Variants in ARFGEF1 observed in about 807,000 individuals in gnomAD.
The protein encoded by ARFGEF1 is brefeldin A-inhibited guanine nucleotide-exchange protein 1.
In ARFGEF1, 42 loss-of-function variants were observed where a neutral mutation model predicts 231.0. That is an observed-to-expected ratio of 0.18 (90% CI 0.14 to 0.24). The LOEUF is 0.24. Ranked by LOEUF, ARFGEF1 falls within the 10% of genes least tolerant of loss-of-function variation. The probability of loss-of-function intolerance (pLI) is 1.00; values close to 1 mark genes in which losing one functional copy is unlikely to be tolerated. For synonymous variants in ARFGEF1, 710 were observed against 732.3 expected (o/e 0.97, Z 0.49); for missense variants, 1,345 against 2,192.0 (o/e 0.61, Z 7.72).
Position 67,277,502 on chromosome 8 carries a change from C to A in ARFGEF1, c.1028-45G>T, listed in dbSNP as rs201389159. On this transcript the variant is annotated intron_variant, in intron 7 of 38. Transcript: ENST00000262215. ...AACCATGCAAATATATCTGACTTAACCGAAGTGTATTTAAAAAGCACAGAG... is the reference window on the plus strand; with the variant it reads ...AACCATGCAAATATATCTGACTTAAACGAAGTGTATTTAAAAAGCACAGAG... 39 of 1,551,050 alleles carry A rather than the reference C, an allele frequency of 2.5e-5. No homozygotes were observed. The African/African-American group carries it at 4.8e-4, about 19-fold the overall frequency.
chr8:67,258,039 G>T, intron 16 of ARFGEF1, 46 bp downstream of exon 16: 1 of 1,517,514 alleles, frequency 6.6e-7, no homozygotes, highest in African/African-American at 1.4e-5. Flanking sequence ...CTAGCACAGT[G>T]GTTTGGATAT....
At chr8:67,242,888 C>T (rs1011870950) in intron 19 of ARFGEF1, among the ~76,000 whole-genome samples, 11 of 152,134 alleles carry the variant, frequency 7.2e-5, no homozygotes, top group African/African-American at 1.7e-4. Context: ...CAGTACTCTC[C>T]GTGGGCCTGT....
chr8:67,261,187 G>A (rs1804606740), intron 14 of ARFGEF1, among the ~76,000 whole-genome samples: 1 of 152,196 alleles, frequency 6.6e-6, no homozygotes, highest in African/African-American at 2.4e-5. Flanking sequence ...TATGAAGGTG[G>A]TTATACTAAA....
intron 14 of ARFGEF1, among the ~76,000 whole-genome samples, chr8:67,260,255 T>A (rs1351108360): frequency 6.6e-6 from 1 of 152,224 alleles, no homozygotes; most frequent in Non-Finnish European, 1.5e-5. Context: ...TGCCATGTAG[T>A]AGACGAACTT....
intron 19 of ARFGEF1, among the ~76,000 whole-genome samples, chr8:67,247,562 C>A (rs1039237665): frequency 6.7e-6 from 1 of 150,136 alleles, no homozygotes; most frequent in Non-Finnish European, 1.5e-5. Context: ...AAGGAATATT[C>A]CTCAACACAA....
At chr8:67,181,171 G>A (rs1832928400) in intron 5 of ARFGEF1, among the ~76,000 whole-genome samples, 1 of 151,706 alleles carries the variant, frequency 6.6e-6, no homozygotes, top group African/African-American at 2.4e-5. Context: ...CCCAGTAGCT[G>A]GGACTACAGC....
At chr8:67,238,955 A>C (rs1587111494) in intron 20 of ARFGEF1, 62 bp from the exon 21 acceptor site, 12 of 1,243,320 alleles carry the variant, frequency 9.7e-6, no homozygotes, top group Non-Finnish European at 1.2e-5. Context: ...TTAATTCCCC[A>C]CCAACAAACT....
chr8:67,211,419 C>T (rs1445789961), intron 34 of ARFGEF1, 64 bp downstream of exon 34: 3 of 1,237,150 alleles, frequency 2.4e-6, no homozygotes, highest in Non-Finnish European at 3.2e-6. Flanking sequence ...AAAAGTAAAA[C>T]CAAAAATGTT....
At chr8:67,195,333 C>A, downstream of ARFGEF1, 1 of 1,223,960 alleles carries the variant, frequency 8.2e-7, no homozygotes, top group Non-Finnish European at 1.2e-6. Flanking sequence ...CTTATGTCTC[C>A]TGCCTGCCAC....
Position 67,313,836 on chromosome 8 carries a change from C to A in ARFGEF1, c.125-11370G>T, listed in dbSNP as rs529803978. On this transcript the variant is annotated intron_variant, in intron 1 of 38. Coordinates refer to ENST00000262215, the MANE Select transcript of ARFGEF1 (RefSeq NM_006421.5). ...GCCCTAGAACTCCCAAGATTATACA[C>A]CTCACCCTTTGTTTTACACTATCAG... 3.3e-5 allele frequency among the ~76,000 whole-genome samples: 5 copies of A among 152,228 alleles called. No homozygotes were observed. The East Asian group carries it at 9.7e-4, about 29-fold the overall frequency.
chr8:67,203,284 A>G, intron 35 of ARFGEF1, 33 bp from the exon 36 acceptor site: 1 of 1,600,840 alleles, frequency 6.2e-7, no homozygotes. Flanking sequence ...GCATATACAC[A>G]CAGTCACAAT....
At chr8:67,284,317 C>CAACCCCCT (rs1388764066) in intron 7 of ARFGEF1, among the ~76,000 whole-genome samples, 2 of 152,112 alleles carry the variant, frequency 1.3e-5, no homozygotes, top group Non-Finnish European at 2.9e-5. Flanking sequence ...CATGTACGCA[C>CAACCCCCT]AACCCCCTAA....
intron 6 of ARFGEF1, among the ~76,000 whole-genome samples, chr8:67,289,136 A>C (rs1805888972): frequency 6.6e-6 from 1 of 152,136 alleles, no homozygotes; most frequent in African/African-American, 2.4e-5. Context: ...CTCAACTATC[A>C]CTTTAGAATG....
At chr8:67,323,291 A>C (rs1807681366) in intron 1 of ARFGEF1, among the ~76,000 whole-genome samples, 1 of 152,046 alleles carries the variant, frequency 6.6e-6, no homozygotes, top group African/African-American at 2.4e-5. Flanking sequence ...TGAGAGAGTA[A>C]ATTTACCAGG....
chr8:67,296,317 TA>T, intron 5 of ARFGEF1, 113 bp downstream of exon 5: 2 of 982,440 alleles, frequency 2.0e-6, no homozygotes, highest in East Asian at 4.9e-5. Context: ...GAAATGTAAA[TA>T]AAAGACATTC....
chr8:67,220,747 T>G (rs1158526561), intron 29 of ARFGEF1, among the ~76,000 whole-genome samples: 1 of 152,182 alleles, frequency 6.6e-6, no homozygotes, highest in Non-Finnish European at 1.5e-5. Context: ...TCCGTATCTA[T>G]TCCCTTCCAC....
intron 38 of ARFGEF1, chr8:67,200,182 A>G: frequency 1.7e-6 from 1 of 601,132 alleles, no homozygotes; most frequent in Non-Finnish European, 3.1e-6. Context: ...CCCCTAGAGA[A>G]CTGCTAATTA....
rs1353283766 is a variant in ARFGEF1 at position 67,198,013 on chromosome 8, A to G, written c.*921T>C. The G allele has an allele frequency of 3.0e-6, 3 of 985,790 alleles. No homozygotes were observed. The African/African-American group carries it at 5.2e-5, about 17-fold the overall frequency. The allele number at this position is 985,790 out of a possible 1,614,324, so 61.1% of individuals were successfully genotyped here. The stretch of plus-strand genomic sequence containing the variant: ...CAAGCCCCACCACCCAAAAGAAAAG[A>G]AAATGACAGCAATCTGGATTCATTT... On this transcript the variant is annotated 3_prime_UTR_variant, in exon 39 of 39. Transcript: ENST00000262215.
intron 17 of ARFGEF1, among the ~76,000 whole-genome samples, chr8:67,255,879 G>A (rs1181857174): frequency 6.6e-6 from 1 of 152,202 alleles, no homozygotes; most frequent in African/African-American, 2.4e-5. Flanking sequence ...TAACTGGTAT[G>A]TCCTTAGAAA....
Sources: gnomAD v4.1 joint callset for allele counts (sites outside exome capture counted in the v4.1 genomes callset) on GRCh38, gnomAD v4.1.1 for gene constraint, MANE v1.5 for transcripts, NCBI Gene and HGNC (gene_info 2026-07-23, HGNC 2026-07-21) for gene names.